Variants in RBFOX1 observed in about 807,000 individuals in gnomAD.
RBFOX1 encodes the protein RNA binding fox-1 homolog 1.
In RBFOX1, 8 loss-of-function variants were observed where a neutral mutation model predicts 57.7. The ratio of observed to expected loss-of-function variants is 0.14; its 90% CI spans 0.08 to 0.25. The LOEUF (loss-of-function observed/expected upper bound fraction) is 0.25. Among genes scored for constraint, RBFOX1 ranks in the 10% least tolerant of loss-of-function variants. The pLI is 1.00. For missense variants in RBFOX1, 611 were observed against 548.5 expected (o/e 1.11, Z -1.14); for synonymous variants, 326 against 222.4 (o/e 1.47, Z -4.15).
At chr16:7,434,611 G>T (rs564744870) in intron 4 of RBFOX1, among the ~76,000 whole-genome samples, 1 of 152,032 alleles carries the variant, frequency 6.6e-6, no homozygotes, top group South Asian at 2.1e-4. Flanking sequence ...GCCCTAAGGG[G>T]ATCCTAAAGT....
chr16:5,391,831 C>T (rs1281564103), intron 1 of RBFOX1, among the ~76,000 whole-genome samples: 1 of 150,792 alleles, frequency 6.6e-6, no homozygotes, highest in South Asian at 2.1e-4. Flanking sequence ...TATATATATA[C>T]ACACACACCA....
Position 6,716,994 on chromosome 16 carries a change from G to A in RBFOX1, c.-16+62344G>A, listed in dbSNP as rs559746489. On this transcript the variant is annotated intron_variant, in intron 3 of 15. Transcript: ENST00000550418. ...TGGGATTAGTGCCCTTATAAGAAGAGACAGAAGAGCTTGCTTTCTCTCTTT... is the reference window on the plus strand; with the variant it reads ...TGGGATTAGTGCCCTTATAAGAAGAAACAGAAGAGCTTGCTTTCTCTCTTT... Among the ~76,000 whole-genome samples the A allele has an allele frequency of 4.6e-5, 7 of 152,266 alleles. No individual in the cohort carries two copies. In the East Asian group the frequency reaches 1.4e-3, roughly 30 times the overall value.
At chr16:6,307,458 T>C (rs35574697) in intron 1 of RBFOX1, among the ~76,000 whole-genome samples, 35,936 of 151,056 alleles carry the variant, frequency 0.24, 5,601 homozygotes, top group East Asian at 0.63. Flanking sequence ...TTATTTCTTA[T>C]TTATACTAAA....
intron 4 of RBFOX1, among the ~76,000 whole-genome samples, chr16:7,228,795 G>C (rs970718657): frequency 6.6e-6 from 1 of 152,180 alleles, no homozygotes; most frequent in African/African-American, 2.4e-5. Flanking sequence ...TATTTTGGGG[G>C]AAAATGGATT....
chr16:6,655,683 T>A (rs745632380), intron 3 of RBFOX1, among the ~76,000 whole-genome samples: 11 of 152,196 alleles, frequency 7.2e-5, no homozygotes, highest in Non-Finnish European at 1.6e-4. Flanking sequence ...ACCCTGTGTA[T>A]GCCTTGGATC....
At chr16:5,664,025 A>G (rs2049749570) in intron 3 of RBFOX1, among the ~76,000 whole-genome samples, 1 of 152,092 alleles carries the variant, frequency 6.6e-6, no homozygotes, top group Non-Finnish European at 1.5e-5. Flanking sequence ...GACCCCACAC[A>G]TGGAGGAGAC....
intron 5 of RBFOX1, among the ~76,000 whole-genome samples, chr16:7,566,269 T>G (rs2091667857): frequency 6.6e-6 from 1 of 152,152 alleles, no homozygotes; most frequent in South Asian, 2.1e-4. Context: ...TTTTGATTGC[T>G]TTTTAATTGG....
chr16:6,932,336 A>C (rs2076696047), intron 3 of RBFOX1, among the ~76,000 whole-genome samples: 1 of 151,940 alleles, frequency 6.6e-6, no homozygotes, highest in Non-Finnish European at 1.5e-5. Flanking sequence ...CAAACTCCTG[A>C]CCTCAGGTGA....
intron 1 of RBFOX1, among the ~76,000 whole-genome samples, chr16:5,309,030 G>T (rs1051006107): frequency 6.6e-6 from 1 of 152,010 alleles, no homozygotes; most frequent in South Asian, 2.1e-4. Flanking sequence ...TGTTGTCTTG[G>T]CTAGAGCTTC....
At chr16:5,571,064 T>C (rs1238649580) in intron 2 of RBFOX1, among the ~76,000 whole-genome samples, 2 of 152,118 alleles carry the variant, frequency 1.3e-5, no homozygotes, top group African/African-American at 4.8e-5. Context: ...TTTTCTTTAG[T>C]TGTTTTTGAT....
chr16:6,726,579 A>G (rs1258316169), intron 3 of RBFOX1, among the ~76,000 whole-genome samples: 2 of 152,078 alleles, frequency 1.3e-5, no homozygotes, highest in African/African-American at 4.8e-5. Flanking sequence ...GATGCCTTTA[A>G]TGTACATAGC....
intron 2 of RBFOX1, among the ~76,000 whole-genome samples, chr16:6,352,451 A>G (rs2086579456): frequency 6.6e-6 from 1 of 152,370 alleles, no homozygotes; most frequent in South Asian, 2.1e-4. Flanking sequence ...TCAATGATCA[A>G]TCATGAATGT....
intron 3 of RBFOX1, among the ~76,000 whole-genome samples, chr16:5,610,852 A>C (rs2047756660): frequency 6.6e-6 from 1 of 152,156 alleles, no homozygotes; most frequent in Non-Finnish European, 1.5e-5. Flanking sequence ...TGGGTGACAG[A>C]GCAAGACCCT....
intron 3 of RBFOX1, among the ~76,000 whole-genome samples, chr16:7,029,703 A>T (rs902122565): frequency 6.6e-6 from 1 of 152,180 alleles, no homozygotes; most frequent in Admixed American, 6.5e-5. Flanking sequence ...GGGAGACTCT[A>T]TAATTATAGG....
At chr16:6,644,932 T>A (rs550058044) in intron 2 of RBFOX1, among the ~76,000 whole-genome samples, 2 of 152,324 alleles carry the variant, frequency 1.3e-5, no homozygotes, top group East Asian at 3.9e-4. Flanking sequence ...TTATTTTCTA[T>A]GACTTCCGTA....
At chr16:5,524,080 A>C (rs926416757) in intron 2 of RBFOX1, among the ~76,000 whole-genome samples, 1 of 152,246 alleles carries the variant, frequency 6.6e-6, no homozygotes, top group Non-Finnish European at 1.5e-5. Flanking sequence ...TGGTTGAGAA[A>C]GTGTCAGATT....
intron 3 of RBFOX1, among the ~76,000 whole-genome samples, chr16:6,750,913 G>C (rs934941260): frequency 6.6e-6 from 1 of 152,138 alleles, no homozygotes; most frequent in Non-Finnish European, 1.5e-5. Flanking sequence ...TCAGATTAGT[G>C]GGCTAGGGAA....
chr16:7,042,426 T>G lies in RBFOX1; in HGVS notation c.-15-9631T>G, dbSNP rs2046473231. Among the ~76,000 whole-genome samples, 2 of 152,134 alleles carry G rather than the reference T, an allele frequency of 1.3e-5. 1 individual carries two copies. The highest frequency in any genetic ancestry group is 4.1e-4 in the South Asian group (2 of 4,824). On this transcript the variant is annotated intron_variant, in intron 3 of 15. Transcript: ENST00000550418. ...TTGAATATTTCCTATCTTTACGGTT[T>G]TAGGAATTCACTCACTCTGTGCCTC... is the stretch of plus-strand genomic sequence containing the variant.
At chr16:7,535,615 C>A (rs1042698615) in intron 5 of RBFOX1, among the ~76,000 whole-genome samples, 3 of 152,166 alleles carry the variant, frequency 2.0e-5, no homozygotes, top group African/African-American at 4.8e-5. Context: ...TTTCCTGACA[C>A]CACCTCAAAA....
Sources: gnomAD v4.1 joint callset for allele counts (sites outside exome capture counted in the v4.1 genomes callset) on GRCh38, gnomAD v4.1.1 for gene constraint, MANE v1.5 for transcripts, NCBI Gene and HGNC (gene_info 2026-07-23, HGNC 2026-07-21) for gene names.